CCDC171: variants seen among roughly 807,000 people sequenced by gnomAD.
CCDC171 encodes coiled-coil domain-containing protein 171.
In CCDC171, 177 loss-of-function variants were observed where a neutral mutation model predicts 168.2. That is an observed-to-expected ratio of 1.05 (90% CI 0.93 to 1.19). CCDC171 has a LOEUF of 1.19. Ranked by LOEUF, CCDC171 falls within the 50% of genes most tolerant of loss-of-function variation. CCDC171 has a pLI of 0.00. For synonymous variants in CCDC171, 687 were observed against 540.8 expected, an observed-to-expected ratio of 1.27 and a Z score of -3.75; for missense variants, 1,991 against 1,539.0, an observed-to-expected ratio of 1.29 and a Z score of -4.91.
At chr9:15,664,285 G>A (rs575852349) in intron 8 of CCDC171, among the ~76,000 whole-genome samples, 1 of 152,130 alleles carries the variant, frequency 6.6e-6, no homozygotes, top group Non-Finnish European at 1.5e-5. Flanking sequence ...TTCTTGCTCT[G>A]TAACCCAGGC....
At chr9:15,977,757 A>C (rs1019586631), downstream of CCDC171, among the ~76,000 whole-genome samples, 1 of 152,140 alleles carries the variant, frequency 6.6e-6, no homozygotes, top group Non-Finnish European at 1.5e-5. Context: ...TCTGAAGAAG[A>C]CTCATCTGAC....
chr9:15,726,372 G>A (rs1215718089), intron 14 of CCDC171, among the ~76,000 whole-genome samples: 1 of 152,094 alleles, frequency 6.6e-6, no homozygotes, highest in Non-Finnish European at 1.5e-5. Context: ...ACATAATAGC[G>A]ACACAATGAA....
chr9:15,939,033 T>C (rs571458049), intron 25 of CCDC171, among the ~76,000 whole-genome samples: 1 of 151,592 alleles, frequency 6.6e-6, no homozygotes, highest in African/African-American at 2.4e-5. Flanking sequence ...TATTATAGAT[T>C]CTTATGATTA....
chr9:15,777,632 A>C lies in CCDC171; in HGVS notation c.2704A>C (p.Ile902Leu). 1.2e-6 allele frequency: 2 copies of C among 1,612,810 alleles called. No individual in the cohort carries two copies. The highest frequency in any genetic ancestry group is 2.2e-5 in the South Asian group (2 of 90,612). ...TTCCAGAATTTGTGGACATTTACTC[A>C]TAGGTGCAGCCAAGAATTCTTTTGC... Reference protein sequence around the residue: ...PNSRICGHLLIGAAKNSFAKL... With the variant: ...PNSRICGHLLLGAAKNSFAKL... The change falls in exon 19 of 26, where the codon ATA becomes CTA. Residue 902 changes from isoleucine to leucine, a missense_variant. Coordinates refer to ENST00000380701, the MANE Select transcript of CCDC171 (RefSeq NM_173550.4).
upstream of CCDC171, among the ~76,000 whole-genome samples, chr9:16,040,118 C>G (rs1288854633): frequency 1.3e-5 from 2 of 152,136 alleles, no homozygotes; most frequent in African/African-American, 2.4e-5. Context: ...GCTGGGTGCC[C>G]TGTTACCCCC....
rs1423289501 is a variant in CCDC171 at position 15,930,486 on chromosome 9, T to C, written c.3753+10064T>C. Among the ~76,000 whole-genome samples, 3 of 151,672 alleles carry C rather than the reference T, an allele frequency of 2.0e-5. No homozygotes were observed. In the East Asian group the frequency reaches 5.8e-4, roughly 30 times the overall value. ...ACCACTTAAATGATTTTCTCAGATA[T>C]TTTGGCACCCCTACCTCTGGGTGTT... On this transcript the variant is annotated intron_variant, in intron 25 of 25. Transcript: ENST00000380701.
At chr9:15,822,405 A>G (rs981564097) in intron 21 of CCDC171, among the ~76,000 whole-genome samples, 2 of 151,816 alleles carry the variant, frequency 1.3e-5, no homozygotes, top group African/African-American at 4.8e-5. Flanking sequence ...CAACCTACAG[A>G]ATGGGAGAAA....
At chr9:15,728,783 T>C (rs939858374) in intron 15 of CCDC171, among the ~76,000 whole-genome samples, 3 of 152,166 alleles carry the variant, frequency 2.0e-5, no homozygotes, top group Non-Finnish European at 4.4e-5. Flanking sequence ...TGTGGTTTAG[T>C]TTCCAGGTCT....
chr9:16,053,582 T>C (rs1833785841), intron 1 of CCDC171, among the ~76,000 whole-genome samples: 2 of 152,274 alleles, frequency 1.3e-5, no homozygotes, highest in Admixed American at 1.3e-4. Context: ...TCTCATCTCC[T>C]GCTCCCGTGC....
chr9:15,593,100 G>A (rs2042107588), intron 5 of CCDC171, among the ~76,000 whole-genome samples: 1 of 151,910 alleles, frequency 6.6e-6, no homozygotes, highest in Non-Finnish European at 1.5e-5. Flanking sequence ...GGACAGTTTG[G>A]AGTTGAATCT....
intron 21 of CCDC171, among the ~76,000 whole-genome samples, chr9:15,804,567 C>G (rs555833416): frequency 1.3e-5 from 2 of 152,134 alleles, no homozygotes; most frequent in South Asian, 4.2e-4. Context: ...CCCAACCTTG[C>G]ATCCTGGGGA....
intron 11 of CCDC171, among the ~76,000 whole-genome samples, chr9:15,720,539 G>A (rs533152620): frequency 1.3e-5 from 2 of 152,100 alleles, no homozygotes; most frequent in Non-Finnish European, 2.9e-5. Context: ...TTGAAAATCC[G>A]TTTCGTGTAT....
At chr9:15,787,271 A>G (rs2058013903) in intron 21 of CCDC171, among the ~76,000 whole-genome samples, 1 of 151,952 alleles carries the variant, frequency 6.6e-6, no homozygotes, top group Admixed American at 6.6e-5. Context: ...TTTGAAATAT[A>G]CATTATTATT....
chr9:15,560,580 G>C (rs908309105), intron 1 of CCDC171, among the ~76,000 whole-genome samples: 1 of 152,018 alleles, frequency 6.6e-6, no homozygotes, highest in Non-Finnish European at 1.5e-5. Context: ...AGCTCCATCA[G>C]GTCATTCAGG....
chr9:16,067,200 C>T, the CCDC171 span, among the ~76,000 whole-genome samples: 30 of 152,134 alleles, frequency 2.0e-4, no homozygotes, highest in African/African-American at 7.2e-4. Flanking sequence ...ATTTGCATTT[C>T]TCTGATGGCC....
At chr9:15,768,844 CT>C (rs2056867588) in intron 18 of CCDC171, among the ~76,000 whole-genome samples, 1 of 152,108 alleles carries the variant, frequency 6.6e-6, no homozygotes, top group South Asian at 2.1e-4. Context: ...GTAAGCAGTG[CT>C]TGATGTGTCA....
the CCDC171 span, among the ~76,000 whole-genome samples, chr9:16,093,832 T>C: frequency 2.6e-5 from 4 of 152,192 alleles, no homozygotes; most frequent in African/African-American, 7.2e-5. Context: ...ATGCCACAAC[T>C]AGCTCGTGGA....
chr9:15,896,129 G>T (rs763316872), intron 24 of CCDC171, among the ~76,000 whole-genome samples: 3 of 151,808 alleles, frequency 2.0e-5, no homozygotes, highest in Non-Finnish European at 2.9e-5. Flanking sequence ...CATAATAAGG[G>T]CAATAATCAC....
chr9:15,580,531 A>T (rs1177968921), intron 4 of CCDC171, among the ~76,000 whole-genome samples: 2 of 152,166 alleles, frequency 1.3e-5, no homozygotes, highest in Non-Finnish European at 2.9e-5. Context: ...TCAAATCAGC[A>T]AGAAAAAAAC....
Sources: allele counts gnomAD v4.1 joint callset (sites outside exome capture counted in the v4.1 genomes callset), GRCh38; gene constraint gnomAD v4.1.1; transcripts MANE v1.5; gene names NCBI Gene and HGNC (gene_info 2026-07-23, HGNC 2026-07-21).